CMC1: variants seen among roughly 807,000 people sequenced by gnomAD.
CMC1 encodes C-X9-C motif containing 1.
CMC1 carries 14 observed loss-of-function variants against 14.1 expected under a neutral mutation model. The ratio of observed to expected loss-of-function variants is 0.99; its 90% CI spans 0.66 to 1.55. The LOEUF is 1.55. Ranked by LOEUF, CMC1 falls within the 40% of genes most tolerant of loss-of-function variation. CMC1 has a pLI of 0.00. For missense variants in CMC1, 127 were observed against 123.8 expected (o/e 1.03, Z -0.12); for synonymous variants, 50 against 38.4 (o/e 1.30, Z -1.12).
intron 2 of CMC1, among the ~76,000 whole-genome samples, chr3:28,287,824 G>T (rs1391818122): frequency 6.6e-6 from 1 of 151,534 alleles, no homozygotes; most frequent in African/African-American, 2.4e-5. Context: ...TTAAAGTTCA[G>T]TTTTTATGTG....
chr3:28,284,433 C>T (rs1701064217), intron 2 of CMC1, among the ~76,000 whole-genome samples: 1 of 152,162 alleles, frequency 6.6e-6, no homozygotes, highest in South Asian at 2.1e-4. Flanking sequence ...CTCAAACGTT[C>T]ATTGTACTTC....
At chr3:28,318,159 C>T (rs1193204944) in intron 3 of CMC1, 1 of 151,892 alleles carries the variant, frequency 6.6e-6, no homozygotes. Context: ...ATGAAATGAA[C>T]GTAACTGCTA....
chr3:28,267,391 T>G (rs1700061092), intron 2 of CMC1, among the ~76,000 whole-genome samples: 1 of 152,188 alleles, frequency 6.6e-6, no homozygotes, highest in African/African-American at 2.4e-5. Context: ...CCTTTCTCTT[T>G]TTTCCTTTTG....
chr3:28,254,575 G>A (rs1452142138), intron 1 of CMC1, among the ~76,000 whole-genome samples: 1 of 152,112 alleles, frequency 6.6e-6, no homozygotes, highest in Admixed American at 6.5e-5. Context: ...AATTCGTAAT[G>A]TAGGTAAATT....
At chr3:28,260,333 CTG>C (rs986952285) in intron 1 of CMC1, among the ~76,000 whole-genome samples, 1 of 152,088 alleles carries the variant, frequency 6.6e-6, no homozygotes, top group African/African-American at 2.4e-5. Flanking sequence ...ATCAAGGTAT[CTG>C]TGCCTTCTTG....
chr3:28,315,550 C>A (rs940152116), intron 2 of CMC1, among the ~76,000 whole-genome samples: 1 of 152,158 alleles, frequency 6.6e-6, no homozygotes, highest in South Asian at 2.1e-4. Context: ...ACTAAGAAGA[C>A]ATGCAGAGAC....
At position 28,320,340 on chromosome 3, in the gene CMC1, C is replaced by A. The variant is rs546081238; in HGVS notation, c.*711C>A. The A allele has an allele frequency of 5.3e-5, 8 of 151,494 alleles. No individual in the cohort carries two copies. The highest frequency in any genetic ancestry group is 1.9e-4 in the African/African-American group (8 of 41,428). The allele number at this position is 151,494 out of a possible 1,614,324, so 9.4% of individuals were successfully genotyped here. On this transcript the variant is annotated 3_prime_UTR_variant, in exon 4 of 4. Transcript: ENST00000466830. ...GAGTTTATTTGCCAGCAGCTTCTGG[C>A]AAGGGTTTTCATACTGCATCAAAAC...
At chr3:28,302,882 C>T (rs902755164) in intron 2 of CMC1, among the ~76,000 whole-genome samples, 6 of 152,102 alleles carry the variant, frequency 3.9e-5, no homozygotes, top group Admixed American at 6.6e-5. Context: ...GTCTCTATTG[C>T]GTGGGCATGG....
intron 2 of CMC1, 61 bp from the exon 3 acceptor site, chr3:28,316,272 G>T: frequency 1.3e-6 from 1 of 787,398 alleles, no homozygotes; most frequent in Non-Finnish European, 1.9e-6. Flanking sequence ...AGAAAATTGT[G>T]TGTGTGGGTA....
At position 28,320,424 on chromosome 3, in the gene CMC1, C is replaced by T. The variant is rs539493371; in HGVS notation, c.*795C>T. 3 of 151,508 alleles carry T rather than the reference C, an allele frequency of 2.0e-5. No homozygotes were observed. Among genetic ancestry groups the T allele is most frequent in the South Asian group, 2.1e-4 (1 of 4,814 alleles). 9.4% of individuals were successfully genotyped at this position (151,508 alleles called of 1,614,324 possible). ...GTGTGGGCAAACTTTTATAACAGCC[C>T]GCTCTCTTGAGAACTAATACCTGTA... On this transcript the variant is annotated 3_prime_UTR_variant, in exon 4 of 4. Transcript: ENST00000466830.
chr3:28,303,719 CAATT>C (rs1479612915), intron 2 of CMC1, among the ~76,000 whole-genome samples: 2 of 152,162 alleles, frequency 1.3e-5, no homozygotes, highest in Middle Eastern at 3.4e-3. Context: ...AACACTCCTT[CAATT>C]AATTCACTTA....
intron 2 of CMC1, among the ~76,000 whole-genome samples, chr3:28,265,211 TA>T (rs1008789876): frequency 6.6e-6 from 1 of 152,088 alleles, no homozygotes; most frequent in African/African-American, 2.4e-5. Flanking sequence ...TATTAGAATG[TA>T]ATAATATAAT....
chr3:28,305,325 T>C (rs1000056636), intron 2 of CMC1, among the ~76,000 whole-genome samples: 3 of 152,210 alleles, frequency 2.0e-5, no homozygotes, highest in Admixed American at 1.3e-4. Flanking sequence ...TCCATTCCAC[T>C]GTTGATGGAC....
chr3:28,255,241 CTT>C (rs61315525), intron 1 of CMC1, among the ~76,000 whole-genome samples: 73 of 133,098 alleles, frequency 5.5e-4, no homozygotes, highest in Non-Finnish European at 8.0e-4. Flanking sequence ...TTTGTTTCCT[CTT>C]TTTTTTTTTT....
At chr3:28,241,900 A>T (rs1199655037) in intron 1 of CMC1, 88 bp downstream of exon 1, 1 of 1,196,516 alleles carries the variant, frequency 8.4e-7, no homozygotes, top group Non-Finnish European at 1.0e-6. Context: ...GACCTGGGAA[A>T]GGTGCAGAGC....
chr3:28,277,572 G>T (rs1014356718), intron 2 of CMC1, among the ~76,000 whole-genome samples: 3 of 152,138 alleles, frequency 2.0e-5, no homozygotes, highest in Admixed American at 6.5e-5. Context: ...TTTTGATAAG[G>T]TCAGTGGGGA....
At position 28,274,221 on chromosome 3, in the gene CMC1, T is replaced by TTTTTTC. The variant is rs1553615945; in HGVS notation, c.109+10846_109+10847insCTTTTT. ...GTACTAAAGTGTTTTTGTTTTTTTC[T>TTTTTTC]TTTTTTTTTTTTTTGCAGTGGCTAG... On this transcript the variant is annotated intron_variant, in intron 2 of 3. Transcript: ENST00000466830. Among the ~76,000 whole-genome samples the TTTTTTC allele has an allele frequency of 4.3e-5, 3 of 69,432 alleles. 1 individual carries two copies. Among genetic ancestry groups the TTTTTTC allele is most frequent in the African/African-American group, 2.6e-4 (3 of 11,358 alleles). 45.6% of individuals were successfully genotyped at this position (69,432 alleles called of 152,430 possible).
chr3:28,298,563 C>T (rs1701868662), intron 2 of CMC1, among the ~76,000 whole-genome samples: 1 of 151,028 alleles, frequency 6.6e-6, no homozygotes, highest in African/African-American at 2.4e-5. Flanking sequence ...GTACATTTAT[C>T]TGTGGTTCTG....
intron 2 of CMC1, among the ~76,000 whole-genome samples, chr3:28,299,827 A>T (rs1701932652): frequency 6.6e-6 from 1 of 152,172 alleles, no homozygotes; most frequent in Non-Finnish European, 1.5e-5. Flanking sequence ...CAGAAATAAA[A>T]ATAGAGTCTG....
Sources: gnomAD v4.1 joint callset for allele counts (sites outside exome capture counted in the v4.1 genomes callset) on GRCh38, gnomAD v4.1.1 for gene constraint, MANE v1.5 for transcripts, NCBI Gene and HGNC (gene_info 2026-07-23, HGNC 2026-07-21) for gene names.